ASB2: variants seen among roughly 807,000 people sequenced by gnomAD.
The protein encoded by ASB2 is ankyrin repeat and SOCS box containing 2.
Under a neutral mutation model 62.4 loss-of-function variants are expected in ASB2, and 58 were observed. That is an observed-to-expected ratio of 0.93 (90% CI 0.75 to 1.16). The LOEUF (loss-of-function observed/expected upper bound fraction) is 1.16. ASB2 is among the 50% of genes most tolerant of loss of function. The probability of loss-of-function intolerance (pLI) is 0.00; values close to 1 mark genes in which losing one functional copy is unlikely to be tolerated. For synonymous variants in ASB2, 386 were observed against 385.3 expected, an observed-to-expected ratio of 1.00 and a Z score of -0.02; for missense variants, 928 against 887.9, an observed-to-expected ratio of 1.05 and a Z score of -0.57.
Position 93,958,240 on chromosome 14 carries a change from G to A in ASB2, c.207-1370C>T, listed in dbSNP as rs569920714. On this transcript the variant is annotated intron_variant, in intron 2 of 9. Coordinates refer to ENST00000555019, the MANE Select transcript of ASB2 (RefSeq NM_001202429.2). ...CCCGCACTGGGGTGGGCAGGACACC[G>A]CCTGCATGTGTCCTCATTTATCCAC... 7.9e-5 allele frequency among the ~76,000 whole-genome samples: 12 copies of A among 152,340 alleles called. No individual in the cohort carries two copies. In the East Asian group the frequency reaches 1.5e-3, roughly 20 times the overall value.
intron 6 of ASB2, 39 bp from the exon 7 acceptor site, chr14:93,947,559 CG>C: frequency 6.2e-7 from 1 of 1,605,868 alleles, no homozygotes; most frequent in Non-Finnish European, 8.5e-7. Context: ...GCCAAGTGAC[CG>C]GGAAGTTGCT....
intron 6 of ASB2, among the ~76,000 whole-genome samples, chr14:93,950,264 C>T (rs1406855928): frequency 6.6e-6 from 1 of 152,140 alleles, no homozygotes; most frequent in African/African-American, 2.4e-5. Flanking sequence ...GGTTACTTCC[C>T]GTGGAGAGAG....
At position 93,939,671 on chromosome 14, in the gene ASB2, T is replaced by C. The variant is rs1567019865; in HGVS notation, c.1054A>G (p.Ile352Val). Residue 352 changes from isoleucine to valine, a missense_variant and splice_region_variant, in exon 8 of 10, where the codon ATC (isoleucine) becomes GTC (valine). Coordinates refer to ENST00000555019, the MANE Select transcript of ASB2 (RefSeq NM_001202429.2). ...GTCACCGGCAGCAGCATCTGCACGA[T>C]CCTGCCGGGTCGAGGGGCGGGCGCG... Reference protein sequence around the residue: ...HIASKKGNYRIVQMLLPVTSR... With the variant: ...HIASKKGNYRVVQMLLPVTSR... 6.9e-7 allele frequency: 1 copy of C among 1,451,310 alleles called. No individual in the cohort carries two copies. Among genetic ancestry groups the C allele is most frequent in the East Asian group, 2.8e-5 (1 of 36,308 alleles). The allele number at this position is 1,451,310 out of a possible 1,614,324, so 89.9% of individuals were successfully genotyped here.
intron 7 of ASB2, chr14:93,941,655 G>A (rs775739533): frequency 2.2e-6 from 1 of 455,450 alleles, no homozygotes; most frequent in Non-Finnish European, 4.4e-6. Flanking sequence ...CAAATGCTCT[G>A]CTAACAGCTG....
chr14:93,937,502 CACTA>C (rs1167949489), intron 9 of ASB2, among the ~76,000 whole-genome samples, 192 bp downstream of exon 9: 1 of 152,204 alleles, frequency 6.6e-6, no homozygotes, highest in African/African-American at 2.4e-5. Flanking sequence ...CCAGCTCTGC[CACTA>C]ACTAACTGTG....
rs1567019425 is a variant in ASB2, at chr14:93,939,449, C to T, written c.1276G>A (p.Ala426Thr). The T allele has an allele frequency of 6.2e-7, 1 of 1,612,370 alleles. No individual in the cohort carries two copies. Among genetic ancestry groups the T allele is most frequent in the Admixed American group, 1.7e-5 (1 of 59,950 alleles). ...CCGTGTTGCAGCAGCAGCTCGGTGG[C>T]GTACACGTTGTTGTTGACCACCGCG... ...YFAVVNNNVY[A>T]TELLLQHGAD... is the part of the protein sequence containing the mutation. The change falls in exon 8 of 10, where the codon GCC (alanine) becomes ACC (threonine). Residue 426 changes from alanine (A) to threonine (T), a missense_variant. By Grantham distance (58) the Ala-to-Thr change is moderately conservative. Coordinates refer to ENST00000555019, the MANE Select transcript of ASB2 (RefSeq NM_001202429.2).
At chr14:93,966,350 T>C (rs1029371865) in intron 1 of ASB2, among the ~76,000 whole-genome samples, 34 of 152,238 alleles carry the variant, frequency 2.2e-4, no homozygotes, top group Non-Finnish European at 4.7e-4. Context: ...GGGGTGGGAC[T>C]GTAGCCTAGT....
chr14:93,964,443 T>C lies in ASB2; in HGVS notation c.97A>G (p.Met33Val). The change falls in exon 2 of 10, where the codon ATG becomes GTG. Residue 33 changes from methionine (M) to valine (V), a missense_variant. Transcript: ENST00000555019. ...SSLSEDELVQ[M>V]AIEQSLADKT... ...TCCGCTAGGCTCTGCTCGATGGCCA[T>C]CTGCACCAGTTCATCCTCGCTCAGG... 6.5e-7 allele frequency: 1 copy of C among 1,536,106 alleles called. No homozygotes were observed. The highest frequency in any genetic ancestry group is 1.2e-5 in the South Asian group (1 of 84,058).
intron 1 of ASB2, 101 bp from the exon 2 acceptor site, chr14:93,964,713 A>T (rs1054808113): frequency 4.7e-6 from 3 of 631,912 alleles, no homozygotes; most frequent in African/African-American, 1.8e-5. Flanking sequence ...TAACACATTC[A>T]TTTCTAAATT....
intron 1 of ASB2, among the ~76,000 whole-genome samples, chr14:93,969,333 C>T (rs74337038): frequency 0.032 from 4,818 of 152,262 alleles, 260 homozygotes; most frequent in African/African-American, 0.11. Context: ...TATGAAGCAG[C>T]GTGTGGAGCC....
chr14:93,975,902 T>C (rs1168092941), intron 1 of ASB2, among the ~76,000 whole-genome samples: 1 of 152,242 alleles, frequency 6.6e-6, no homozygotes, highest in Non-Finnish European at 1.5e-5. Flanking sequence ...GGATCTCACA[T>C]AAATAACATT....
chr14:93,975,138 C>A (rs910330452), intron 1 of ASB2, among the ~76,000 whole-genome samples: 1 of 152,246 alleles, frequency 6.6e-6, no homozygotes, highest in Non-Finnish European at 1.5e-5. Flanking sequence ...AGGGCTGTGG[C>A]GGGGGTGCTG....
In ASB2 at chr14:93,955,412, C is replaced by T. The variant is rs115439914; in HGVS notation, c.312-929G>A. On this transcript the variant is annotated intron_variant, in intron 3 of 9. Transcript: ENST00000555019. ...GGTGAAGCAACAGACCCAGCAAGGA[C>T]GATGGGAAACTGATCAGATAAGTCC... The T allele has an allele frequency of 2.0e-3, 652 of 326,640 alleles. 4 individuals are homozygous for T. Among genetic ancestry groups the T allele is most frequent in the African/African-American group, 0.012 (555 of 46,508 alleles). The allele number at this position is 326,640 out of a possible 1,614,324, so 20.2% of individuals were successfully genotyped here.
Position 93,951,253 on chromosome 14 carries a change from A to T in ASB2, c.635-9T>A. On this transcript the variant is annotated splice_polypyrimidine_tract_variant and intron_variant, in intron 5 of 9. Transcript: ENST00000555019. ...GTTCTTGCGCTCGCAGGCTGTGCTC[A>T]GGGGGAAGCAGGGATGGTCAGCAGG... 6.3e-7 allele frequency: 1 copy of T among 1,583,200 alleles called. No homozygotes were observed. Among genetic ancestry groups the T allele is most frequent in the Non-Finnish European group, 8.6e-7 (1 of 1,165,710 alleles).
rs766316044 is a variant in ASB2 at position 93,934,331 on chromosome 14, C to G, written c.*325G>C. On this transcript the variant is annotated 3_prime_UTR_variant, in exon 10 of 10. Coordinates refer to ENST00000555019, the MANE Select transcript of ASB2 (RefSeq NM_001202429.2). Reference sequence around the variant, plus strand: ...CAAGTGGAGGGGCACAGGGAAGGCTCTGAGCACCACCTTCCCCAGAACACC... The same window carrying G: ...CAAGTGGAGGGGCACAGGGAAGGCTGTGAGCACCACCTTCCCCAGAACACC... 6 of 449,458 alleles carry G rather than the reference C, an allele frequency of 1.3e-5. No individual in the cohort carries two copies. Among genetic ancestry groups the G allele is most frequent in the South Asian group, 3.6e-5 (2 of 55,722 alleles). 27.8% of individuals were successfully genotyped at this position (449,458 alleles called of 1,614,324 possible).
At chr14:93,954,695 C>A (rs932718716) in intron 3 of ASB2, among the ~76,000 whole-genome samples, 1 of 152,240 alleles carries the variant, frequency 6.6e-6, no homozygotes, top group Non-Finnish European at 1.5e-5. Context: ...AATGTTATAC[C>A]AAAACCAATT....
intron 1 of ASB2, among the ~76,000 whole-genome samples, chr14:93,976,047 A>G (rs762515490): frequency 6.6e-6 from 1 of 152,162 alleles, no homozygotes; most frequent in Non-Finnish European, 1.5e-5. Flanking sequence ...CACTCATGAA[A>G]ACCTCTATCT....
chr14:93,950,354 T>C (rs1888907235), intron 6 of ASB2, among the ~76,000 whole-genome samples: 1 of 152,172 alleles, frequency 6.6e-6, no homozygotes, highest in African/African-American at 2.4e-5. Flanking sequence ...TGTCTCGTGG[T>C]CTTTTGCTAC....
chr14:93,968,396 G>C (rs1429454312), intron 1 of ASB2: 1 of 152,224 alleles, frequency 6.6e-6, no homozygotes. Context: ...CCATTCTACA[G>C]ATGAGGCAGG....
Sources: gnomAD v4.1 joint callset for allele counts (sites outside exome capture counted in the v4.1 genomes callset) on GRCh38, gnomAD v4.1.1 for gene constraint, MANE v1.5 for transcripts, NCBI Gene and HGNC (gene_info 2026-07-23, HGNC 2026-07-21) for gene names.